Variants in KCNMA1 observed in about 807,000 individuals in gnomAD.
KCNMA1 encodes potassium calcium-activated channel subfamily M alpha 1.
In KCNMA1, 29 loss-of-function variants were observed where a neutral mutation model predicts 140.0. The ratio of observed to expected loss-of-function variants is 0.21; its 90% CI spans 0.15 to 0.28. KCNMA1 has a LOEUF of 0.28. Ranked by LOEUF, KCNMA1 falls within the 10% of genes least tolerant of loss-of-function variation. KCNMA1 has a pLI of 1.00. For synonymous variants in KCNMA1, 612 were observed against 611.9 expected, an observed-to-expected ratio of 1.00 and a Z score of 0.00; for missense variants, 880 against 1,602.2, an observed-to-expected ratio of 0.55 and a Z score of 7.70.
At chr10:77,491,552 G>A (rs933780991) in intron 1 of KCNMA1, among the ~76,000 whole-genome samples, 1 of 152,154 alleles carries the variant, frequency 6.6e-6, no homozygotes, top group Non-Finnish European at 1.5e-5. Context: ...GGCAATGTAG[G>A]GCAGTGGCTC....
chr10:76,921,465 A>C (rs1300262139), intron 23 of KCNMA1, among the ~76,000 whole-genome samples: 4 of 152,238 alleles, frequency 2.6e-5, no homozygotes, highest in Non-Finnish European at 1.5e-5. Context: ...ATGCTATTTA[A>C]CACATGATTG....
At chr10:77,320,550 G>A (rs1443511917) in intron 2 of KCNMA1, among the ~76,000 whole-genome samples, 4 of 152,214 alleles carry the variant, frequency 2.6e-5, no homozygotes, top group South Asian at 2.1e-4. Context: ...GTGGGAGCCT[G>A]AGCAGGCCAG....
intron 16 of KCNMA1, 29 bp downstream of exon 16, chr10:77,027,794 A>T (rs1005591711): frequency 3.1e-6 from 5 of 1,597,814 alleles, no homozygotes; most frequent in Non-Finnish European, 4.3e-6. Flanking sequence ...CAAAAGTGTC[A>T]GCTGGCTGCT....
chr10:77,122,250 C>T (rs191653832), intron 5 of KCNMA1, among the ~76,000 whole-genome samples: 16 of 152,166 alleles, frequency 1.1e-4, no homozygotes, highest in African/African-American at 3.9e-4. Flanking sequence ...AAAATCTGTA[C>T]AAGGAAAGAG....
At chr10:77,010,633 C>T (rs973874651) in intron 18 of KCNMA1, among the ~76,000 whole-genome samples, 1 of 151,952 alleles carries the variant, frequency 6.6e-6, no homozygotes, top group Non-Finnish European at 1.5e-5. Context: ...CTTCTCTAGA[C>T]CAAGAGTGCA....
chr10:77,361,781 T>C (rs1299177756), intron 2 of KCNMA1, among the ~76,000 whole-genome samples: 1 of 152,188 alleles, frequency 6.6e-6, no homozygotes, highest in Non-Finnish European at 1.5e-5. Flanking sequence ...CCACTGCCCG[T>C]GGCTGGCCCA....
At chr10:77,600,721 T>C (rs911748774) in intron 1 of KCNMA1, among the ~76,000 whole-genome samples, 4 of 152,058 alleles carry the variant, frequency 2.6e-5, no homozygotes, top group African/African-American at 9.6e-5. Flanking sequence ...CACTGCAGCC[T>C]GGGTGACAGA....
At chr10:77,506,586 A>AGTGTGTGTGT (rs1430914516) in intron 1 of KCNMA1, among the ~76,000 whole-genome samples, 2 of 107,610 alleles carry the variant, frequency 1.9e-5, no homozygotes, top group African/African-American at 1.1e-4. Context: ...AGAGAGAGAG[A>AGTGTGTGTGT]GAGAGAGAGA....
chr10:77,076,843 T>C (rs2096413733), intron 13 of KCNMA1, among the ~76,000 whole-genome samples: 1 of 152,192 alleles, frequency 6.6e-6, no homozygotes, highest in Non-Finnish European at 1.5e-5. Context: ...CCTAGAATAT[T>C]ACTATTACTG....
intron 3 of KCNMA1, among the ~76,000 whole-genome samples, chr10:77,190,030 C>T (rs972329716): frequency 6.6e-6 from 1 of 152,110 alleles, no homozygotes; most frequent in Non-Finnish European, 1.5e-5. Context: ...TTCATTATTT[C>T]ATGAATGTGA....
intron 29 of KCNMA1, among the ~76,000 whole-genome samples, chr10:76,878,110 C>T (rs960668484): frequency 2.0e-5 from 3 of 152,174 alleles, no homozygotes; most frequent in African/African-American, 7.2e-5. Flanking sequence ...AAATGTGCCA[C>T]TGGGACTCAT....
At chr10:77,397,850 T>C (rs2154455489) in intron 2 of KCNMA1, among the ~76,000 whole-genome samples, 1 of 152,314 alleles carries the variant, frequency 6.6e-6, no homozygotes, top group South Asian at 2.1e-4. Context: ...CTCCCACTTA[T>C]TCATGAGAAC....
rs201799760 is a variant in KCNMA1 at position 77,007,673 on chromosome 10, A to ATATATATG, written c.2092+4293_2092+4294insCATATATA. ...TGTGTGTATATATATATATATATAT[A>ATATATATG]TATGTATCACAACATGGGAATATAT... On this transcript the variant is annotated intron_variant, in intron 18 of 27. Coordinates refer to ENST00000286628, the MANE Select transcript of KCNMA1 (RefSeq NM_001161352.2). 7.6e-3 allele frequency among the ~76,000 whole-genome samples: 1,084 copies of ATATATATG among 142,478 alleles called. 24 individuals carry two copies. Among genetic ancestry groups the ATATATATG allele is most frequent in the African/African-American group, 0.027 (1,035 of 38,370 alleles). The allele number at this position is 142,478 out of a possible 152,430, so 93.5% of individuals were successfully genotyped here.
At chr10:77,048,356 C>A (rs1456312518) in intron 14 of KCNMA1, among the ~76,000 whole-genome samples, 2 of 152,216 alleles carry the variant, frequency 1.3e-5, no homozygotes, top group Non-Finnish European at 2.9e-5. Flanking sequence ...TGGTCCACAA[C>A]ATGGCACCAC....
intron 3 of KCNMA1, among the ~76,000 whole-genome samples, chr10:77,223,536 A>G (rs2050347215): frequency 6.6e-6 from 1 of 152,252 alleles, no homozygotes; most frequent in South Asian, 2.1e-4. Flanking sequence ...AAGATGGGAT[A>G]CAGTCTTGAT....
At chr10:77,637,085 C>T in intron 1 of KCNMA1, 180 bp downstream of exon 1, 3 of 1,329,632 alleles carry the variant, frequency 2.3e-6, no homozygotes, top group East Asian at 5.3e-5. Context: ...ACCCCCGGCG[C>T]GCCGCCCGCT....
chr10:77,161,635 C>T (rs2098555646), intron 5 of KCNMA1, among the ~76,000 whole-genome samples: 1 of 152,186 alleles, frequency 6.6e-6, no homozygotes, highest in Admixed American at 6.5e-5. Flanking sequence ...AATTACTATC[C>T]TATTAAGCTG....
intron 3 of KCNMA1, among the ~76,000 whole-genome samples, chr10:77,219,144 A>C (rs1000093527): frequency 7.9e-5 from 12 of 152,158 alleles, no homozygotes; most frequent in Non-Finnish European, 1.8e-4. Flanking sequence ...ATGCCTCCAG[A>C]GCTTTTGCTT....
intron 19 of KCNMA1, among the ~76,000 whole-genome samples, chr10:76,987,472 C>T (rs1299076852): frequency 1.3e-5 from 2 of 152,146 alleles, no homozygotes; most frequent in African/African-American, 4.8e-5. Context: ...TGGGCCATAC[C>T]CTTTTTGTTA....
Sources: gnomAD v4.1 joint callset for allele counts (sites outside exome capture counted in the v4.1 genomes callset) on GRCh38, gnomAD v4.1.1 for gene constraint, MANE v1.5 for transcripts, NCBI Gene and HGNC (gene_info 2026-07-23, HGNC 2026-07-21) for gene names.